FBXL8: variants seen among roughly 807,000 people sequenced by gnomAD.
FBXL8 encodes F-box and leucine rich repeat protein 8.
A neutral mutation model predicts 8.2 loss-of-function variants in FBXL8; 13 were observed. The observed-to-expected ratio is 1.58, with a 90% CI of 1.03 to 2.51. FBXL8 has a LOEUF of 2.51. Ranked by LOEUF, FBXL8 falls within the 30% of genes most tolerant of loss-of-function variation. FBXL8 has a pLI of 0.00. For synonymous variants in FBXL8, 271 were observed against 260.5 expected (o/e 1.04, Z -0.39); for missense variants, 565 against 540.4 (o/e 1.05, Z -0.45).
chr16:67,162,627 C>T (rs1265296053), intron 2 of FBXL8: 1 of 727,110 alleles, frequency 1.4e-6, no homozygotes, highest in African/African-American at 1.7e-5. Flanking sequence ...ATTGGCTCTC[C>T]ATGTCCAGGT....
chr16:67,161,229 C>T (rs2030885693), intron 1 of FBXL8: 1 of 173,652 alleles, frequency 5.8e-6, no homozygotes, highest in South Asian at 1.9e-4. Context: ...TCGCTTGAGC[C>T]TAGGAGTTCG....
rs1460772967 is a variant in FBXL8 at position 67,164,122 on chromosome 16, C to T, written c.*302C>T. 31 of 662,620 alleles carry T rather than the reference C, an allele frequency of 4.7e-5. No homozygotes were observed. The Admixed American group carries it at 6.2e-4, about 13-fold the overall frequency. The allele number at this position is 662,620 out of a possible 1,614,324, so 41.0% of individuals were successfully genotyped here. ...CCCCGGCGCAGGGAGAGGGAGGGCA[C>T]GGGCGCGGGCCGGGCCTCAAGGGTG... On this transcript the variant is annotated 3_prime_UTR_variant, in exon 3 of 3. Transcript: ENST00000258200.
rs573984716 is a variant in FBXL8, at chr16:67,164,011, C to T, written c.*191C>T. ...CCTGAGACCACTCGCTGCTCTCACC[C>T]TCTGCAGACGCCCCACCCGCTCGGT... On this transcript the variant is annotated 3_prime_UTR_variant, in exon 3 of 3. Transcript: ENST00000258200. 1 of 802,776 alleles carries T rather than the reference C, an allele frequency of 1.2e-6. No individual in the cohort carries two copies. The highest frequency in any genetic ancestry group is 2.1e-6 in the Non-Finnish European group (1 of 478,670). The allele number at this position is 802,776 out of a possible 1,614,324, so 49.7% of individuals were successfully genotyped here.
rs1260234079 is a variant in FBXL8 at position 67,163,026 on chromosome 16, C to A, written c.331C>A (p.Arg111Ser). 3.8e-6 allele frequency: 6 copies of A among 1,558,870 alleles called. No individual in the cohort carries two copies. The highest frequency in any genetic ancestry group is 5.2e-6 in the Non-Finnish European group (6 of 1,151,422). Residue 111 changes from arginine to serine, a missense_variant, in exon 3 of 3, where the codon CGC becomes AGC. Physicochemically the swap from Arg to Ser is moderately radical, Grantham distance 110 (BLOSUM62 -1). Transcript: ENST00000258200. ...GCTGCGAGGCCTGCGCCTGGAGTGC[C>A]GCGGAGAAAAACCGCTCTTCGACGC... The part of the protein sequence containing the change: ...PGLRGLRLEC[R>S]GEKPLFDAGR...
Position 67,163,805 on chromosome 16 carries a change from T to A in FBXL8, c.1110T>A (p.Pro370=). 1 of 1,555,996 alleles carries A rather than the reference T, an allele frequency of 6.4e-7. No individual in the cohort carries two copies. The highest frequency in any genetic ancestry group is 8.6e-7 in the Non-Finnish European group (1 of 1,158,580). ...CGCGCGAGCCGCATCCCTGGAGGCCTACGCTCGTGGCGTGATTGGGCGACT... is the reference window on the plus strand; with the variant it reads ...CGCGCGAGCCGCATCCCTGGAGGCCAACGCTCGTGGCGTGATTGGGCGACT... ...KLTREPHPWR[P]TLVA The change falls in exon 3 of 3, where the codon CCT becomes CCA. Residue 370 remains proline, a synonymous_variant. Coordinates refer to ENST00000258200, the MANE Select transcript of FBXL8 (RefSeq NM_018378.3).
In FBXL8 at chr16:67,163,693, T is replaced by C; in HGVS notation, c.998T>C (p.Val333Ala). ...LAARCAALREVHCFCVVSHSV... is the reference protein window; with the variant it reads ...LAARCAALREAHCFCVVSHSV... ...GCGCGCTGCGCGGCCCTGCGCGAGG[T>C]GCATTGTTTCTGCGTGGTGAGCCAC... Residue 333 changes from valine (V) to alanine (A), a missense_variant, in exon 3 of 3, where the codon GTG becomes GCG. Val to Ala is a moderately conservative substitution (Grantham distance 64, BLOSUM62 0). Coordinates refer to ENST00000258200, the MANE Select transcript of FBXL8 (RefSeq NM_018378.3). 1 of 1,590,218 alleles carries C rather than the reference T, an allele frequency of 6.3e-7. No homozygotes were observed. Among genetic ancestry groups the C allele is most frequent in the East Asian group, 2.3e-5 (1 of 43,992 alleles).
In FBXL8 at chr16:67,162,864, G is replaced by A. The variant is rs758997725; in HGVS notation, c.169G>A (p.Glu57Lys). 7 of 1,551,500 alleles carry A rather than the reference G, an allele frequency of 4.5e-6. No homozygotes were observed. Among genetic ancestry groups the A allele is most frequent in the South Asian group, 3.6e-5 (3 of 84,064 alleles). The stretch of plus-strand genomic sequence containing the variant: ...TAACCCAAGTTGCGAATGTGAGCTG[G>A]AAGGCATGCTGCCACCTTATCTGTC... ...DTKISCECEL[E>K]GMLPPYLSAC... Residue 57 changes from glutamate (E) to lysine (K), a missense_variant, in exon 3 of 3, where the codon GAA (glutamate) becomes AAA (lysine). Transcript: ENST00000258200.
rs2031014125 is a variant in FBXL8 at position 67,163,519 on chromosome 16, T to C, written c.824T>C (p.Val275Ala). ...GTGACGCGCGTCCTGCAGCCAGCCG[T>C]CCCCGTGGCTGCGCTGCGCCTCAAC... ...ESVTRVLQPA[V>A]PVAALRLNLS... The change falls in exon 3 of 3, where the codon GTC (valine) becomes GCC (alanine). Residue 275 changes from valine to alanine, a missense_variant. Coordinates refer to ENST00000258200, the MANE Select transcript of FBXL8 (RefSeq NM_018378.3). The C allele has an allele frequency of 1.3e-6, 2 of 1,554,664 alleles. No individual in the cohort carries two copies. The highest frequency in any genetic ancestry group is 1.4e-5 in the African/African-American group (1 of 73,076).
At position 67,163,902 on chromosome 16, in the gene FBXL8, G is replaced by T; in HGVS notation, c.*82G>T. The T allele has an allele frequency of 2.0e-6, 3 of 1,523,024 alleles. No individual in the cohort carries two copies. Among genetic ancestry groups the T allele is most frequent in the East Asian group, 4.6e-5 (2 of 43,242 alleles). 94.3% of individuals were successfully genotyped at this position (1,523,024 alleles called of 1,614,324 possible). On this transcript the variant is annotated 3_prime_UTR_variant, in exon 3 of 3. Coordinates refer to ENST00000258200, the MANE Select transcript of FBXL8 (RefSeq NM_018378.3). Reference sequence around the variant, plus strand: ...GGGGGTGTCCAGGCGCGCCCCGAGTGCTAGTGCCTTCTTTTGGGATTGTTG... The same window carrying T: ...GGGGGTGTCCAGGCGCGCCCCGAGTTCTAGTGCCTTCTTTTGGGATTGTTG...
Position 67,164,010 on chromosome 16 carries a change from C to A in FBXL8, c.*190C>A. 1 of 801,506 alleles carries A rather than the reference C, an allele frequency of 1.2e-6. No individual in the cohort carries two copies. Among genetic ancestry groups the A allele is most frequent in the Non-Finnish European group, 2.1e-6 (1 of 477,470 alleles). The allele number at this position is 801,506 out of a possible 1,614,324, so 49.6% of individuals were successfully genotyped here. ...CCCTGAGACCACTCGCTGCTCTCAC[C>A]CTCTGCAGACGCCCCACCCGCTCGG... On this transcript the variant is annotated 3_prime_UTR_variant, in exon 3 of 3. Transcript: ENST00000258200.
At chr16:67,160,797 C>A (rs1400976062) in intron 1 of FBXL8, among the ~76,000 whole-genome samples, 1 of 152,226 alleles carries the variant, frequency 6.6e-6, no homozygotes, top group Non-Finnish European at 1.5e-5. Context: ...CTAAAGGCTG[C>A]GCTCCAGGGT....
rs746733316 is a variant in FBXL8, at chr16:67,163,659, G to A, written c.964G>A (p.Glu322Lys). ...ASAELNAALE[E>K]LAARCAALRE... ...GGCCGAGCTGAACGCCGCGCTGGAG[G>A]AGCTGGCGGCGCGCTGCGCGGCCCT... Residue 322 changes from glutamate to lysine, a missense_variant, in exon 3 of 3, where the codon GAG becomes AAG. By Grantham distance (56) the Glu-to-Lys change is moderately conservative (BLOSUM62 1). Coordinates refer to ENST00000258200, the MANE Select transcript of FBXL8 (RefSeq NM_018378.3). 6 of 1,572,226 alleles carry A rather than the reference G, an allele frequency of 3.8e-6. No individual in the cohort carries two copies. Among genetic ancestry groups the A allele is most frequent in the Non-Finnish European group, 5.1e-6 (6 of 1,167,606 alleles).
At chr16:67,162,226 G>A (rs1002182057) in intron 2 of FBXL8, 3 of 392,272 alleles carry the variant, frequency 7.6e-6, no homozygotes, top group African/African-American at 2.0e-5. Context: ...CTACTCGGGA[G>A]GCTGAGGCAC....
chr16:67,161,452 A>G (rs1355881866), intron 1 of FBXL8, among the ~76,000 whole-genome samples: 3 of 108,850 alleles, frequency 2.8e-5, no homozygotes, highest in African/African-American at 9.4e-5. Context: ...AAAAAAAAAG[A>G]AAAAAAAAAA....
chr16:67,162,331 A>G (rs542469893), intron 2 of FBXL8: 2 of 452,466 alleles, frequency 4.4e-6, no homozygotes, highest in South Asian at 5.8e-5. Context: ...TTATCTCAAA[A>G]TAATAATAAT....
At position 67,163,933 on chromosome 16, in the gene FBXL8, C is replaced by G; in HGVS notation, c.*113C>G. 1 of 1,462,598 alleles carries G rather than the reference C, an allele frequency of 6.8e-7. No individual in the cohort carries two copies. The highest frequency in any genetic ancestry group is 9.2e-7 in the Non-Finnish European group (1 of 1,086,574). The allele number at this position is 1,462,598 out of a possible 1,614,324, so 90.6% of individuals were successfully genotyped here. A position where few individuals can be genotyped will look rare whatever the true frequency, so the allele number is the denominator to read the frequency against. ...GCCTTCTTTTGGGATTGTTGCCCCC[C>G]GGGTCTTTACCGAGTTGGGAACTGT... On this transcript the variant is annotated 3_prime_UTR_variant, in exon 3 of 3. Transcript: ENST00000258200.
intron 1 of FBXL8, 65 bp from the exon 2 acceptor site, chr16:67,161,670 C>G: frequency 1.5e-6 from 2 of 1,338,128 alleles, no homozygotes; most frequent in Non-Finnish European, 9.9e-7. Flanking sequence ...ATTTGTACAC[C>G]TAAGCTCGGT....
At chr16:67,160,700 G>C (rs2030868401) in intron 1 of FBXL8, among the ~76,000 whole-genome samples, 1 of 152,182 alleles carries the variant, frequency 6.6e-6, no homozygotes, top group African/African-American at 2.4e-5. Flanking sequence ...GACACAGCTA[G>C]ATTCCGTCTC....
chr16:67,163,904 T>A lies in FBXL8; in HGVS notation c.*84T>A. The A allele has an allele frequency of 6.6e-7, 1 of 1,521,494 alleles. No homozygotes were observed. Among genetic ancestry groups the A allele is most frequent in the Admixed American group, 1.9e-5 (1 of 51,654 alleles). The allele number at this position is 1,521,494 out of a possible 1,614,324, so 94.2% of individuals were successfully genotyped here. The stretch of plus-strand genomic sequence containing the variant: ...GGGTGTCCAGGCGCGCCCCGAGTGC[T>A]AGTGCCTTCTTTTGGGATTGTTGCC... On this transcript the variant is annotated 3_prime_UTR_variant, in exon 3 of 3. Coordinates refer to ENST00000258200, the MANE Select transcript of FBXL8 (RefSeq NM_018378.3).
Sources: allele counts gnomAD v4.1 joint callset (sites outside exome capture counted in the v4.1 genomes callset), GRCh38; gene constraint gnomAD v4.1.1; transcripts MANE v1.5; gene names NCBI Gene and HGNC (gene_info 2026-07-23, HGNC 2026-07-21).